CLEC16A: variants seen among roughly 807,000 people sequenced by gnomAD.
CLEC16A encodes the protein C-type lectin domain containing 16A.
Under a neutral mutation model 109.5 loss-of-function variants are expected in CLEC16A, and 51 were observed. The ratio of observed to expected loss-of-function variants is 0.47; its 90% CI spans 0.37 to 0.59. The LOEUF (loss-of-function observed/expected upper bound fraction) is 0.59, where lower values mean the gene tolerates loss of function less well. CLEC16A is among the 20% of genes least tolerant of loss of function. The probability of loss-of-function intolerance (pLI) is 0.00; values close to 1 mark genes in which losing one functional copy is unlikely to be tolerated. For missense variants in CLEC16A, 1,339 were observed against 1,394.0 expected (o/e 0.96, Z 0.63); for synonymous variants, 673 against 564.2 (o/e 1.19, Z -2.73).
At chr16:11,121,662 T>C (rs1240222615) in intron 20 of CLEC16A, among the ~76,000 whole-genome samples, 1 of 151,534 alleles carries the variant, frequency 6.6e-6, no homozygotes, top group Non-Finnish European at 1.5e-5. Flanking sequence ...GGTGGATCAC[T>C]TGAGGTCAGG....
At chr16:11,143,337 G>C (rs1308606770) in intron 22 of CLEC16A, among the ~76,000 whole-genome samples, 2 of 152,176 alleles carry the variant, frequency 1.3e-5, no homozygotes, top group Middle Eastern at 3.2e-3. Context: ...TTTGACCTCA[G>C]TAGGGATGGC....
At chr16:10,991,784 G>C (rs1159218818) in intron 10 of CLEC16A, among the ~76,000 whole-genome samples, 2 of 152,254 alleles carry the variant, frequency 1.3e-5, no homozygotes, top group Non-Finnish European at 2.9e-5. Context: ...AACTGGTTTT[G>C]CTGCGGGATG....
chr16:10,988,436 C>T (rs1241882730), intron 10 of CLEC16A, among the ~76,000 whole-genome samples: 2 of 152,162 alleles, frequency 1.3e-5, no homozygotes, highest in Non-Finnish European at 2.9e-5. Context: ...CTCGGAGATG[C>T]CTGTGCCACC....
intron 23 of CLEC16A, among the ~76,000 whole-genome samples, chr16:11,175,205 A>G (rs1263378492): frequency 1.3e-5 from 2 of 152,202 alleles, no homozygotes; most frequent in African/African-American, 4.8e-5. Flanking sequence ...CCTGCAGATC[A>G]GTTTCTGAGG....
At chr16:11,031,310 A>G (rs994895537) in intron 13 of CLEC16A, among the ~76,000 whole-genome samples, 1 of 151,564 alleles carries the variant, frequency 6.6e-6, no homozygotes, top group African/African-American at 2.4e-5. Context: ...TCCATGGGAC[A>G]GTGGGCAAGC....
chr16:11,091,455 C>T (rs2050300442), intron 19 of CLEC16A, among the ~76,000 whole-genome samples: 1 of 152,192 alleles, frequency 6.6e-6, no homozygotes, highest in Non-Finnish European at 1.5e-5. Context: ...GCGGGTGGGG[C>T]TGTGTGCCCT....
At chr16:10,985,212 A>ATATAT (rs1285108370) in intron 10 of CLEC16A, among the ~76,000 whole-genome samples, 1 of 113,282 alleles carries the variant, frequency 8.8e-6, no homozygotes, top group Admixed American at 8.2e-5. Flanking sequence ...CAAAAAAAAA[A>ATATAT]AAAAAAAAAT....
chr16:11,035,545 G>A (rs567304356), intron 13 of CLEC16A, among the ~76,000 whole-genome samples: 29 of 152,236 alleles, frequency 1.9e-4, no homozygotes, highest in African/African-American at 5.5e-4. Context: ...TTCAGGGCTG[G>A]GCTTTCCACT....
At chr16:11,166,587 T>G (rs1227683933) in intron 23 of CLEC16A, 35 bp downstream of exon 23, 2 of 1,530,310 alleles carry the variant, frequency 1.3e-6, no homozygotes, top group South Asian at 2.5e-5. Context: ...ATGGGGACAT[T>G]TGGAGAACCC....
intron 13 of CLEC16A, among the ~76,000 whole-genome samples, chr16:11,038,796 C>CA (rs1202013947): frequency 6.6e-6 from 1 of 151,764 alleles, no homozygotes; most frequent in Non-Finnish European, 1.5e-5. Flanking sequence ...CTTTTAATGG[C>CA]AAAAACTGCA....
chr16:11,143,557 C>T (rs1439615417), intron 22 of CLEC16A, among the ~76,000 whole-genome samples: 2 of 152,198 alleles, frequency 1.3e-5, no homozygotes, highest in Non-Finnish European at 2.9e-5. Context: ...TAACCTAAAA[C>T]AAAGGGCTTA....
chr16:11,074,130 TA>T (rs922366755), intron 19 of CLEC16A, among the ~76,000 whole-genome samples: 6 of 151,706 alleles, frequency 4.0e-5, no homozygotes, highest in African/African-American at 1.5e-4. Flanking sequence ...CTCTAAGGGC[TA>T]AAATGCTTCC....
rs902842073 is a variant in CLEC16A, at chr16:11,029,642, G to A, written c.1537+4721G>A. On this transcript the variant is annotated intron_variant, in intron 13 of 23. Coordinates refer to ENST00000409790, the MANE Select transcript of CLEC16A (RefSeq NM_015226.3). ...TCCAGAGTCTGATAACCATTGTTTT[G>A]TATATATTGTCTTGCTTTCTAAGTT... Among the ~76,000 whole-genome samples, 7 of 152,088 alleles carry A rather than the reference G, an allele frequency of 4.6e-5. 1 individual carries two copies. In the East Asian group the frequency reaches 1.3e-3, roughly 29 times the overall value.
chr16:11,022,104 A>C (rs1412619548), intron 12 of CLEC16A, among the ~76,000 whole-genome samples: 1 of 152,146 alleles, frequency 6.6e-6, no homozygotes. Context: ...ATGGCTTCTA[A>C]TGGAAGCTGA....
At chr16:11,071,698 C>T (rs963095322) in intron 19 of CLEC16A, among the ~76,000 whole-genome samples, 1 of 149,744 alleles carries the variant, frequency 6.7e-6, no homozygotes, top group African/African-American at 2.5e-5. Flanking sequence ...GTGATCATCC[C>T]ACCTTAGCCT....
At chr16:10,978,053 G>T (rs1020703838) in intron 8 of CLEC16A, among the ~76,000 whole-genome samples, 5 of 152,212 alleles carry the variant, frequency 3.3e-5, no homozygotes, top group Non-Finnish European at 7.3e-5. Flanking sequence ...AGAACCCACT[G>T]ATTTGGAGAA....
chr16:11,140,770 G>T (rs948941114), intron 22 of CLEC16A, among the ~76,000 whole-genome samples: 1 of 152,174 alleles, frequency 6.6e-6, no homozygotes, highest in Non-Finnish European at 1.5e-5. Context: ...CAGCCCTGCC[G>T]AGGAAGCCAT....
chr16:11,003,153 A>G lies in CLEC16A; in HGVS notation c.1151A>G (p.Lys384Arg), dbSNP rs200410772. ...RSLEMNKHKGKRRVQKRPNYK... is the reference protein window; with the variant it reads ...RSLEMNKHKGRRRVQKRPNYK... The stretch of plus-strand genomic sequence containing the variant: ...CTTGAGATGAACAAGCACAAGGGCA[A>G]GAGGCGGGTGCAAAAGAGACCCAAC... The change falls in exon 11 of 24, where the codon AAG (lysine) becomes AGG (arginine). Residue 384 changes from lysine to arginine, a missense_variant. Physicochemically the swap from Lys to Arg is conservative, Grantham distance 26. This residue lies in a region of CLEC16A where 1,061 missense variants were observed against 1,006.8 expected (regional missense o/e 1.05). Coordinates refer to ENST00000409790, the MANE Select transcript of CLEC16A (RefSeq NM_015226.3). 2.9e-5 allele frequency: 47 copies of G among 1,613,650 alleles called. No individual in the cohort carries two copies. Among genetic ancestry groups the G allele is most frequent in the Non-Finnish European group, 3.9e-5 (46 of 1,179,838 alleles).
chr16:11,120,569 G>T, intron 19 of CLEC16A, 46 bp from the exon 20 acceptor site: 1 of 1,560,344 alleles, frequency 6.4e-7, no homozygotes, highest in South Asian at 1.2e-5. Flanking sequence ...CATCACCCTG[G>T]GCAGCCAGAC....
Sources: gnomAD v4.1 joint callset for allele counts (sites outside exome capture counted in the v4.1 genomes callset) on GRCh38, gnomAD v4.1.1 for gene constraint, gnomAD v4.1.1 regional missense constraint, MANE v1.5 for transcripts, NCBI Gene and HGNC (gene_info 2026-07-23, HGNC 2026-07-21) for gene names.